The following LPP variants were observed in gnomAD, a reference collection of about 807,000 sequenced individuals.
The protein encoded by LPP is LIM domain containing preferred translocation partner in lipoma.
LPP carries 38 observed loss-of-function variants against 60.4 expected under a neutral mutation model. The observed-to-expected ratio is 0.63, with a 90% CI of 0.49 to 0.83. LPP has a LOEUF of 0.83. Among genes scored for constraint, LPP ranks in the 40% least tolerant of loss-of-function variants. LPP has a pLI of 0.00. For missense variants in LPP, 902 were observed against 783.6 expected (o/e 1.15, Z -1.80); for synonymous variants, 328 against 290.8 (o/e 1.13, Z -1.30).
intron 3 of LPP, among the ~76,000 whole-genome samples, chr3:188,393,487 C>T (rs1236557292): frequency 6.6e-6 from 1 of 152,154 alleles, no homozygotes; most frequent in Non-Finnish European, 1.5e-5. Flanking sequence ...TCAGGATTCA[C>T]TTGGACTAAA....
intron 3 of LPP, among the ~76,000 whole-genome samples, chr3:188,381,691 T>TGAGCTTTTCACTTTTGA (rs1324850888): frequency 3.3e-5 from 5 of 152,226 alleles, no homozygotes; most frequent in African/African-American, 1.2e-4. Flanking sequence ...GAGAGTTGTT[T>TGAGCTTTTCACTTTTGA]GAGCTTTTCA....
intron 7 of LPP, among the ~76,000 whole-genome samples, chr3:188,677,766 TG>T: frequency 6.6e-6 from 1 of 152,278 alleles, no homozygotes; most frequent in East Asian, 1.9e-4. Context: ...ACAAATGTTA[TG>T]GAAGTACAAC....
intron 8 of LPP, among the ~76,000 whole-genome samples, chr3:188,726,926 A>G (rs1169944940): frequency 1.3e-5 from 2 of 152,226 alleles, no homozygotes; most frequent in Admixed American, 1.3e-4. Context: ...ATCATTCAAA[A>G]TGCTGTGTAG....
In LPP at chr3:188,609,645, CAGGCT is replaced by C; in HGVS notation, c.916_920del (p.Gly306TrpfsTer5). 1 of 1,614,130 alleles carries C rather than the reference CAGGCT, an allele frequency of 6.2e-7. No individual in the cohort carries two copies. The highest frequency in any genetic ancestry group is 8.5e-7 in the Non-Finnish European group (1 of 1,180,000). The stretch of plus-strand genomic sequence containing the variant: ...TATGAAGGCTACTATGCAGCAGGGC[CAGGCT>C]ATGGGGGCAGAAATGACTCTGACCC... On this transcript the variant is annotated frameshift_variant, in exon 7 of 12. Transcript: ENST00000617246. LOFTEE classifies it high-confidence loss of function. The surrounding 1 kb of genome is among the most constrained non-coding windows in gnomAD (Gnocchi z 6.9).
intron 6 of LPP, among the ~76,000 whole-genome samples, chr3:188,539,673 A>G (rs1052954249): frequency 3.3e-5 from 5 of 152,228 alleles, no homozygotes; most frequent in Non-Finnish European, 7.3e-5. Flanking sequence ...TTCAGAGTTG[A>G]CATGAGGACC....
chr3:188,420,573 C>T lies in LPP; in HGVS notation c.193+14260C>T, dbSNP rs139517787. Among the ~76,000 whole-genome samples the T allele has an allele frequency of 2.0e-5, 3 of 152,178 alleles. No individual in the cohort carries two copies. In the East Asian group the frequency reaches 5.8e-4, roughly 29 times the overall value. The stretch of plus-strand genomic sequence containing the variant: ...TTGAGATTCATATTTTGGATTAAGC[C>T]AGTCTCCTGAAATTGTATTTAAACT... On this transcript the variant is annotated intron_variant, in intron 4 of 11. Transcript: ENST00000617246.
chr3:188,436,496 C>T (rs750143516), intron 4 of LPP, among the ~76,000 whole-genome samples: 2 of 152,084 alleles, frequency 1.3e-5, no homozygotes, highest in Non-Finnish European at 2.9e-5. Context: ...ATTTCGTGAA[C>T]AACTCCTGTT....
At chr3:188,548,489 T>C (rs1469487908) in intron 6 of LPP, among the ~76,000 whole-genome samples, 1 of 152,196 alleles carries the variant, frequency 6.6e-6, no homozygotes, top group East Asian at 1.9e-4. Flanking sequence ...GTTTGACCTG[T>C]TGAGCTGGGC....
intron 2 of LPP, among the ~76,000 whole-genome samples, chr3:188,284,069 T>C (rs1210222063): frequency 6.6e-6 from 1 of 152,008 alleles, no homozygotes; most frequent in Non-Finnish European, 1.5e-5. Flanking sequence ...TGCACTTCTC[T>C]AGGCACAATA....
At chr3:188,525,651 T>G (rs1314720083) in intron 6 of LPP, among the ~76,000 whole-genome samples, 1 of 152,212 alleles carries the variant, frequency 6.6e-6, no homozygotes, top group Non-Finnish European at 1.5e-5. Flanking sequence ...TGTGTATATT[T>G]TCTTTGGGGT....
intron 6 of LPP, among the ~76,000 whole-genome samples, chr3:188,561,423 A>G (rs1337529989): frequency 5.3e-5 from 8 of 152,048 alleles, no homozygotes; most frequent in Non-Finnish European, 8.8e-5. Context: ...CTCTCCTTTA[A>G]TGGAAATCCA....
intron 10 of LPP, among the ~76,000 whole-genome samples, chr3:188,867,168 T>G (rs1024703061): frequency 1.3e-5 from 2 of 151,726 alleles, no homozygotes; most frequent in Admixed American, 1.3e-4. Flanking sequence ...GGGGTCTTTA[T>G]GAAAATTAAG....
chr3:188,361,456 C>T (rs1035012846), intron 3 of LPP, among the ~76,000 whole-genome samples: 2 of 136,982 alleles, frequency 1.5e-5, no homozygotes, highest in Admixed American at 1.5e-4. Flanking sequence ...CCTTCCCCTC[C>T]CTCCCTTCCT....
At chr3:188,579,867 TGGGGGTTGG>T (rs796344252) in intron 6 of LPP, among the ~76,000 whole-genome samples, 15 of 79,362 alleles carry the variant, frequency 1.9e-4, no homozygotes, top group African/African-American at 7.2e-4. Flanking sequence ...CCACTCTCAT[TGGGGGTTGG>T]GGGGGTTGGG....
chr3:188,222,888 A>C (rs986442855), intron 1 of LPP, among the ~76,000 whole-genome samples: 1 of 152,082 alleles, frequency 6.6e-6, no homozygotes, highest in Non-Finnish European at 1.5e-5. Flanking sequence ...TGAGGTCAGG[A>C]GTATATTTGA....
intron 3 of LPP, among the ~76,000 whole-genome samples, chr3:188,400,754 C>T (rs971863597): frequency 1.3e-5 from 2 of 152,170 alleles, no homozygotes; most frequent in Non-Finnish European, 2.9e-5. Flanking sequence ...TTCCCTTTCA[C>T]TTCTTGCTTT....
At chr3:188,828,973 A>G (rs1270385375) in intron 9 of LPP, among the ~76,000 whole-genome samples, 1 of 152,108 alleles carries the variant, frequency 6.6e-6, no homozygotes, top group African/African-American at 2.4e-5. Flanking sequence ...CAAAATATCT[A>G]TAGTTTTGTC....
chr3:188,337,357 G>A (rs1761946582), intron 2 of LPP, among the ~76,000 whole-genome samples: 1 of 152,194 alleles, frequency 6.6e-6, no homozygotes, highest in Non-Finnish European at 1.5e-5. Context: ...CTTCAGGCAG[G>A]TCCCTCAGCT....
At chr3:188,771,286 C>T (rs150710474) in intron 9 of LPP, among the ~76,000 whole-genome samples, 97 of 152,132 alleles carry the variant, frequency 6.4e-4, no homozygotes, top group Middle Eastern at 3.4e-3. Flanking sequence ...CAGTAGCTCA[C>T]GCCTGTAATC....
Sources: allele counts gnomAD v4.1 joint callset (sites outside exome capture counted in the v4.1 genomes callset), GRCh38; gene constraint gnomAD v4.1.1; non-coding constraint Gnocchi (gnomAD v3.1); transcripts MANE v1.5; gene names NCBI Gene and HGNC (gene_info 2026-07-23, HGNC 2026-07-21).